GPHN: variants seen among roughly 807,000 people sequenced by gnomAD.
The protein encoded by GPHN is gephyrin.
A neutral mutation model predicts 95.5 loss-of-function variants in GPHN; 17 were observed. That is an observed-to-expected ratio of 0.18 (90% CI 0.12 to 0.27). The LOEUF is 0.27. Among genes scored for constraint, GPHN ranks in the 10% least tolerant of loss-of-function variants. The pLI is 1.00. For missense variants in GPHN, 660 were observed against 978.1 expected (o/e 0.67, Z 4.34); for synonymous variants, 320 against 322.5 (o/e 0.99, Z 0.08).
chr14:67,280,660 G>A, the GPHN span, among the ~76,000 whole-genome samples: 1 of 152,132 alleles, frequency 6.6e-6, no homozygotes, highest in Non-Finnish European at 1.5e-5. Context: ...CCGGTATCCA[G>A]CCTGCGTTTC....
the GPHN span, chr14:67,653,409 G>A: frequency 1.9e-6 from 3 of 1,607,364 alleles, no homozygotes; most frequent in South Asian, 2.2e-5. Flanking sequence ...TGAGTTAAGA[G>A]AAATTTCATG....
At chr14:67,446,474 A>G in the GPHN span, among the ~76,000 whole-genome samples, 2 of 152,208 alleles carry the variant, frequency 1.3e-5, no homozygotes, top group Non-Finnish European at 2.9e-5. Context: ...TCAGAGAAAC[A>G]GAGTGATGAG....
intron 1 of GPHN, among the ~76,000 whole-genome samples, chr14:66,555,138 A>G (rs2059957779): frequency 6.6e-6 from 1 of 151,362 alleles, no homozygotes; most frequent in African/African-American, 2.5e-5. Context: ...AAACAAAAGA[A>G]GCGTAAGTAC....
intron 10 of GPHN, among the ~76,000 whole-genome samples, chr14:67,058,097 T>TG (rs1355412359): frequency 6.6e-6 from 1 of 152,220 alleles, no homozygotes. Context: ...AATATCATTC[T>TG]GCCTAGTTAC....
chr14:67,164,369 G>GTCTATGCTAAGCATAGACATATCC (rs2082151617), intron 19 of GPHN, among the ~76,000 whole-genome samples: 1 of 151,670 alleles, frequency 6.6e-6, no homozygotes, highest in South Asian at 2.1e-4. Flanking sequence ...AGAGGGAAGT[G>GTCTATGCTAAGCATAGACATATCC]TTTATGTCTA....
intron 1 of GPHN, among the ~76,000 whole-genome samples, chr14:66,632,486 A>G (rs959101356): frequency 7.6e-6 from 1 of 130,758 alleles, no homozygotes; most frequent in African/African-American, 3.2e-5. Flanking sequence ...CTTACAATAC[A>G]TTCTTTTTTT....
rs1420671533 is a variant in GPHN at position 67,113,708 on chromosome 14, G to A, written c.1626+537G>A. Among the ~76,000 whole-genome samples, 2 of 152,012 alleles carry A rather than the reference G, an allele frequency of 1.3e-5. 1 individual carries two copies. Among genetic ancestry groups the A allele is most frequent in the Non-Finnish European group, 2.9e-5 (2 of 67,970 alleles). ...CTAAAGATAGCATCTCTAGTGGCAT[G>A]ATATTTAGAATGGGTCAAAATGTCT... On this transcript the variant is annotated intron_variant, in intron 16 of 22. Transcript: ENST00000478722.
chr14:67,165,148 T>C lies in GPHN; in HGVS notation c.1911-14T>C. ...CTTAGCAATCACTAACAAGTGACTC[T>C]TTTTTTCTTCTAGCTTGCCAACAAC... is the stretch of plus-strand genomic sequence containing the variant. On this transcript the variant is annotated splice_polypyrimidine_tract_variant and intron_variant, in intron 19 of 22. Coordinates refer to ENST00000478722, the MANE Select transcript of GPHN (RefSeq NM_020806.5). The C allele has an allele frequency of 6.3e-7, 1 of 1,591,738 alleles. No homozygotes were observed. The highest frequency in any genetic ancestry group is 8.6e-7 in the Non-Finnish European group (1 of 1,160,214).
intron 11 of GPHN, 65 bp from the exon 12 acceptor site, chr14:67,088,918 T>C: frequency 1.1e-6 from 1 of 903,640 alleles, no homozygotes; most frequent in Non-Finnish European, 1.9e-6. Context: ...GCCCATCTTG[T>C]TTATGACTGC....
the GPHN span, chr14:67,473,049 C>G: frequency 8.3e-6 from 2 of 241,952 alleles, no homozygotes; most frequent in African/African-American, 4.5e-5. This position sits in a 1 kb window ranked among gnomAD's most constrained non-coding sequence, Gnocchi z 6.5. Flanking sequence ...GGAGGGAGGT[C>G]AGGCCTTGCC....
chr14:67,716,924 C>T, the GPHN span, among the ~76,000 whole-genome samples: 1 of 151,532 alleles, frequency 6.6e-6, no homozygotes, highest in Non-Finnish European at 1.5e-5. Flanking sequence ...ATCCATATAT[C>T]CATAACCTAG....
At chr14:66,581,620 A>G (rs910852851) in intron 1 of GPHN, among the ~76,000 whole-genome samples, 1 of 152,032 alleles carries the variant, frequency 6.6e-6, no homozygotes, top group African/African-American at 2.4e-5. Flanking sequence ...TCAGAAAATA[A>G]GACCCAAGTA....
At position 66,560,471 on chromosome 14, in the gene GPHN, G is replaced by T. The variant is rs1007113454; in HGVS notation, c.64+51880G>T. On this transcript the variant is annotated intron_variant, in intron 1 of 22. Transcript: ENST00000478722. ...GGTCCTTCACGTCCCTTGTAAGTTG[G>T]ATTCCTAGGTATTTTATTCTCTTTG... is the stretch of plus-strand genomic sequence containing the variant. Among the ~76,000 whole-genome samples the T allele has an allele frequency of 2.0e-4, 31 of 152,240 alleles. 1 individual carries two copies. The highest frequency in any genetic ancestry group is 1.8e-3 in the Admixed American group (28 of 15,286).
At chr14:67,323,697 T>C in the GPHN span, 4 of 1,422,104 alleles carry the variant, frequency 2.8e-6, no homozygotes, top group African/African-American at 5.8e-5. Flanking sequence ...AATGTCTCTT[T>C]ACAGTCATTG....
chr14:67,511,252 T>C, the GPHN span, among the ~76,000 whole-genome samples: 2 of 152,268 alleles, frequency 1.3e-5, no homozygotes, highest in African/African-American at 2.4e-5. Context: ...TGAGGGGCTT[T>C]TGGAAAGCAA....
At chr14:66,711,013 T>G (rs538157670) in intron 2 of GPHN, among the ~76,000 whole-genome samples, 205 of 152,278 alleles carry the variant, frequency 1.3e-3, no homozygotes, top group African/African-American at 4.6e-3. Context: ...TATGCAAATT[T>G]TATTGTACAA....
At chr14:67,465,927 C>G in the GPHN span, among the ~76,000 whole-genome samples, 20 of 152,148 alleles carry the variant, frequency 1.3e-4, no homozygotes, top group Non-Finnish European at 2.5e-4. Flanking sequence ...GCCTAGGAAG[C>G]CAAGGATTGC....
At chr14:66,885,147 C>T (rs965292491) in intron 5 of GPHN, among the ~76,000 whole-genome samples, 1 of 151,938 alleles carries the variant, frequency 6.6e-6, no homozygotes, top group African/African-American at 2.4e-5. Context: ...TTTAAAGTAA[C>T]AGTACTATCA....
intron 9 of GPHN, among the ~76,000 whole-genome samples, chr14:67,004,194 G>T (rs900124599): frequency 6.6e-6 from 1 of 151,786 alleles, no homozygotes; most frequent in Non-Finnish European, 1.5e-5. Flanking sequence ...TGAAAATTCA[G>T]TCAGAGAGCC....
Sources: allele counts gnomAD v4.1 joint callset (sites outside exome capture counted in the v4.1 genomes callset), GRCh38; gene constraint gnomAD v4.1.1; non-coding constraint Gnocchi (gnomAD v3.1); transcripts MANE v1.5; gene names NCBI Gene and HGNC (gene_info 2026-07-23, HGNC 2026-07-21).